VIT: variants seen among roughly 807,000 people sequenced by gnomAD.
The protein encoded by VIT is vitrin.
In VIT, 99 loss-of-function variants were observed where a neutral mutation model predicts 78.0. The ratio of observed to expected loss-of-function variants is 1.27; its 90% CI spans 1.08 to 1.50. VIT has a LOEUF of 1.50. Among genes scored for constraint, VIT ranks in the 40% most tolerant of loss-of-function variants. The pLI, the probability that VIT is intolerant of heterozygous loss-of-function variation, is 0.00. For synonymous variants in VIT, 374 were observed against 334.3 expected (o/e 1.12, Z -1.29); for missense variants, 1,126 against 875.3 (o/e 1.29, Z -3.61).
At chr2:36,781,449 T>C (rs185032464) in intron 9 of VIT, among the ~76,000 whole-genome samples, 1 of 152,324 alleles carries the variant, frequency 6.6e-6, no homozygotes, top group Admixed American at 6.5e-5. Context: ...GATGAATTTT[T>C]AGTTCCTTTT....
intron 11 of VIT, among the ~76,000 whole-genome samples, chr2:36,784,655 G>A (rs573475198): frequency 8.5e-5 from 13 of 152,324 alleles, no homozygotes; most frequent in African/African-American, 2.9e-4. Context: ...GGAAACTACA[G>A]CAATTAAATA....
intron 6 of VIT, among the ~76,000 whole-genome samples, chr2:36,763,083 G>C (rs1239143312): frequency 6.6e-6 from 1 of 152,176 alleles, no homozygotes; most frequent in Non-Finnish European, 1.5e-5. Flanking sequence ...TTTGTTAGAG[G>C]CTACTGAGCT....
intron 3 of VIT, among the ~76,000 whole-genome samples, chr2:36,737,188 T>C (rs1313231846): frequency 1.3e-5 from 2 of 151,938 alleles, no homozygotes; most frequent in East Asian, 3.9e-4. Flanking sequence ...CAGGCAGAGG[T>C]TGGGAAAGGG....
At chr2:36,783,055 T>C (rs1397896128) in intron 10 of VIT, among the ~76,000 whole-genome samples, 2 of 152,192 alleles carry the variant, frequency 1.3e-5, no homozygotes, top group East Asian at 3.9e-4. Flanking sequence ...GCTTAACGCT[T>C]TCAGATGACA....
In VIT at chr2:36,735,154, C is replaced by G. The variant is rs367620282; in HGVS notation, c.118+5663C>G. Among the ~76,000 whole-genome samples the G allele has an allele frequency of 2.8e-4, 42 of 151,994 alleles. 1 individual carries two copies. The South Asian group carries it at 8.8e-3, about 32-fold the overall frequency. ...CCAGCCGGGGCAACAGAGCGAGACT[C>G]TGTCTCAAAGAAAAAGAAAAAGAAA... On this transcript the variant is annotated intron_variant, in intron 3 of 15. Transcript: ENST00000379242.
At chr2:36,756,618 C>T (rs912667670) in intron 5 of VIT, among the ~76,000 whole-genome samples, 3 of 152,178 alleles carry the variant, frequency 2.0e-5, no homozygotes, top group Non-Finnish European at 4.4e-5. Context: ...CTTTTGCCTG[C>T]CAAATTCTAC....
chr2:36,700,891 A>G (rs987663764), intron 1 of VIT, among the ~76,000 whole-genome samples: 1 of 152,118 alleles, frequency 6.6e-6, no homozygotes, highest in Non-Finnish European at 1.5e-5. Flanking sequence ...TACAGATGAA[A>G]AAAACGAAGG....
At chr2:36,726,042 C>T (rs1666823671) in intron 2 of VIT, among the ~76,000 whole-genome samples, 1 of 149,294 alleles carries the variant, frequency 6.7e-6, no homozygotes, top group Non-Finnish European at 1.5e-5. Flanking sequence ...ACAATCCAGC[C>T]TGGGTGACAG....
chr2:36,763,288 C>T (rs992023768), intron 6 of VIT, among the ~76,000 whole-genome samples: 12 of 152,106 alleles, frequency 7.9e-5, no homozygotes, highest in Non-Finnish European at 1.0e-4. Flanking sequence ...TGTGGCACCA[C>T]CTGCTATGTT....
chr2:36,786,658 A>G (rs146969024), intron 11 of VIT, among the ~76,000 whole-genome samples: 222 of 152,368 alleles, frequency 1.5e-3, no homozygotes, highest in Non-Finnish European at 1.4e-3. Context: ...TTCTTATTCT[A>G]TAATTCCTGC....
At chr2:36,788,954 A>G (rs182937386) in intron 12 of VIT, among the ~76,000 whole-genome samples, 1 of 152,320 alleles carries the variant, frequency 6.6e-6, no homozygotes, top group Admixed American at 6.5e-5. Flanking sequence ...CCTTCCCCCA[A>G]AACATTTTCC....
intron 12 of VIT, among the ~76,000 whole-genome samples, chr2:36,790,647 TG>T (rs1174767459): frequency 6.6e-6 from 1 of 152,200 alleles, no homozygotes; most frequent in Non-Finnish European, 1.5e-5. Flanking sequence ...AATGCATGAC[TG>T]GGGCAGAGGA....
chr2:36,744,263 C>T (rs749283817), intron 4 of VIT, among the ~76,000 whole-genome samples: 5 of 152,098 alleles, frequency 3.3e-5, no homozygotes, highest in East Asian at 1.9e-4. Context: ...AGTGCTGCAA[C>T]GAACATACTG....
intron 12 of VIT, chr2:36,787,797 A>G (rs569844272): frequency 2.2e-6 from 1 of 456,240 alleles, no homozygotes; most frequent in Non-Finnish European, 4.4e-6. Flanking sequence ...AGGCCCCTGC[A>G]CTGGTACTGG....
chr2:36,729,813 A>G (rs760804493), intron 3 of VIT, among the ~76,000 whole-genome samples: 44 of 152,184 alleles, frequency 2.9e-4, no homozygotes, highest in Non-Finnish European at 5.3e-4. Flanking sequence ...TGTTGTCTCA[A>G]TTCCCCATAC....
At chr2:36,800,993 G>C (rs1482013341) in intron 12 of VIT, among the ~76,000 whole-genome samples, 1 of 152,204 alleles carries the variant, frequency 6.6e-6, no homozygotes, top group Non-Finnish European at 1.5e-5. Flanking sequence ...CTTGACAACA[G>C]TCCCGTTCAT....
chr2:36,774,506 CA>C, intron 8 of VIT: 1 of 985,388 alleles, frequency 1.0e-6, no homozygotes, highest in South Asian at 4.7e-5. Flanking sequence ...TCTGAAGCCA[CA>C]GGACACTAGG....
intron 5 of VIT, among the ~76,000 whole-genome samples, chr2:36,757,614 G>A (rs1351589709): frequency 6.6e-6 from 1 of 152,202 alleles, no homozygotes; most frequent in Non-Finnish European, 1.5e-5. Flanking sequence ...CATTGGTGGA[G>A]GACTTGGAAA....
chr2:36,791,910 T>G (rs1439039897), intron 12 of VIT, among the ~76,000 whole-genome samples: 1 of 152,038 alleles, frequency 6.6e-6, no homozygotes, highest in Non-Finnish European at 1.5e-5. Context: ...CGAGGACCAC[T>G]CTGTCTCATT....
Sources: allele counts gnomAD v4.1 joint callset (sites outside exome capture counted in the v4.1 genomes callset), GRCh38; gene constraint gnomAD v4.1.1; transcripts MANE v1.5; gene names NCBI Gene and HGNC (gene_info 2026-07-23, HGNC 2026-07-21).